PDE4B: variants seen among roughly 807,000 people sequenced by gnomAD.
The protein encoded by PDE4B is phosphodiesterase 4B, also known as 3',5'-cyclic-AMP phosphodiesterase 4B.
PDE4B carries 20 observed loss-of-function variants against 82.2 expected under a neutral mutation model. The observed-to-expected ratio is 0.24, with a 90% confidence interval of 0.17 to 0.35. The LOEUF is 0.35. PDE4B is among the 10% of genes least tolerant of loss of function. The pLI is 1.00. For missense variants in PDE4B, 655 were observed against 907.2 expected, an observed-to-expected ratio of 0.72 and a Z score of 3.57; for synonymous variants, 320 against 318.9, an observed-to-expected ratio of 1.00 and a Z score of -0.04.
intron 3 of PDE4B, among the ~76,000 whole-genome samples, chr1:66,092,571 A>G (rs888073776): frequency 9.9e-5 from 15 of 152,084 alleles, no homozygotes; most frequent in Non-Finnish European, 2.1e-4. Flanking sequence ...GGAATTATAA[A>G]TTAGCTAAAT....
At position 66,372,423 on chromosome 1, in the gene PDE4B, T is replaced by C; in HGVS notation, c.1956T>C (p.Tyr652=). The C allele has an allele frequency of 1.2e-6, 2 of 1,614,098 alleles. No individual in the cohort carries two copies. Among genetic ancestry groups the C allele is most frequent in the South Asian group, 1.1e-5 (1 of 91,080 alleles). The part of the protein sequence containing the change: ...LDTLEDNRNW[Y]QSMIPQSPSP... ...CCTTAGAAGATAACAGGAACTGGTA[T>C]CAGAGCATGATACCTCAAAGTCCCT... Residue 652 remains tyrosine, a synonymous_variant, in exon 17 of 17, where the codon TAT becomes TAC. Transcript: ENST00000341517.
At chr1:66,269,367 G>A (rs1418268721) in intron 7 of PDE4B, among the ~76,000 whole-genome samples, 2 of 152,200 alleles carry the variant, frequency 1.3e-5, no homozygotes, top group Non-Finnish European at 2.9e-5. Context: ...AGGTTGAGGA[G>A]AAAGACGCAG....
intron 3 of PDE4B, among the ~76,000 whole-genome samples, chr1:65,964,441 T>C (rs944743663): frequency 6.6e-6 from 1 of 152,194 alleles, no homozygotes; most frequent in Non-Finnish European, 1.5e-5. Context: ...ATTCATGGAT[T>C]CTGGTATTTT....
chr1:65,932,507 T>G (rs1647893848), intron 3 of PDE4B, among the ~76,000 whole-genome samples: 1 of 151,774 alleles, frequency 6.6e-6, no homozygotes, highest in African/African-American at 2.4e-5. Context: ...TCTGTGAAGA[T>G]TGGGAGAGGT....
At chr1:66,154,932 C>T (rs975212589) in intron 3 of PDE4B, among the ~76,000 whole-genome samples, 9 of 152,114 alleles carry the variant, frequency 5.9e-5, no homozygotes, top group African/African-American at 2.2e-4. Flanking sequence ...TAATCTTGCA[C>T]TTTGGGAGGC....
chr1:66,358,920 G>A (rs560233843), intron 9 of PDE4B, among the ~76,000 whole-genome samples: 7 of 152,238 alleles, frequency 4.6e-5, no homozygotes, highest in Non-Finnish European at 1.0e-4. Flanking sequence ...AGTGGTGCAG[G>A]AGGACAGGGA....
chr1:66,365,247 T>A (rs529417255), intron 12 of PDE4B, among the ~76,000 whole-genome samples: 1 of 152,338 alleles, frequency 6.6e-6, no homozygotes, highest in South Asian at 2.1e-4. Context: ...GTTTGGCCAT[T>A]TTTCTCTAAG....
At chr1:66,017,873 A>G (rs1030738627) in intron 3 of PDE4B, among the ~76,000 whole-genome samples, 1 of 152,144 alleles carries the variant, frequency 6.6e-6, no homozygotes, top group Non-Finnish European at 1.5e-5. Flanking sequence ...CTTTCCAAGA[A>G]CAATTTATAC....
intron 3 of PDE4B, among the ~76,000 whole-genome samples, chr1:66,144,337 C>T (rs1646229105): frequency 1.3e-5 from 2 of 152,150 alleles, no homozygotes; most frequent in Admixed American, 1.3e-4. Flanking sequence ...ATGATGAGAC[C>T]CTTCAGGAAG....
chr1:66,126,722 T>C (rs911311390), intron 3 of PDE4B, among the ~76,000 whole-genome samples: 5 of 152,148 alleles, frequency 3.3e-5, no homozygotes, highest in African/African-American at 1.2e-4. Context: ...AAATTATTGG[T>C]GAAAGTTTGA....
intron 1 of PDE4B, among the ~76,000 whole-genome samples, chr1:65,833,584 T>C (rs1050042512): frequency 2.0e-5 from 3 of 152,250 alleles, no homozygotes; most frequent in Non-Finnish European, 4.4e-5. Context: ...GATGTAGTGA[T>C]AGAAGGTATT....
intron 3 of PDE4B, among the ~76,000 whole-genome samples, chr1:65,951,847 A>T (rs1649016112): frequency 1.3e-5 from 2 of 152,096 alleles, no homozygotes; most frequent in South Asian, 4.1e-4. Context: ...AGCCATAAAA[A>T]TTCCAAGTAT....
At chr1:66,283,824 A>G (rs965872455) in intron 7 of PDE4B, among the ~76,000 whole-genome samples, 5 of 152,198 alleles carry the variant, frequency 3.3e-5, no homozygotes, top group Non-Finnish European at 7.4e-5. Context: ...ATGTCAGACA[A>G]GAGAGTACTG....
At chr1:65,919,714 TA>T (rs1340785934) in intron 3 of PDE4B, among the ~76,000 whole-genome samples, 1 of 151,840 alleles carries the variant, frequency 6.6e-6, no homozygotes, top group Non-Finnish European at 1.5e-5. Context: ...AGTAAATTAT[TA>T]AAAATCTATT....
intron 3 of PDE4B, among the ~76,000 whole-genome samples, chr1:66,141,260 T>C (rs1005352349): frequency 1.4e-5 from 2 of 146,608 alleles, no homozygotes; most frequent in East Asian, 2.0e-4. Flanking sequence ...AGAATATTGG[T>C]TGAGGGAAAC....
intron 3 of PDE4B, among the ~76,000 whole-genome samples, chr1:66,051,323 C>T (rs1270535198): frequency 1.3e-5 from 2 of 152,002 alleles, no homozygotes; most frequent in Admixed American, 6.6e-5. Context: ...ACAAGTCACT[C>T]GACCTCACCT....
At chr1:65,913,546 A>T (rs894041800) in intron 2 of PDE4B, among the ~76,000 whole-genome samples, 190 bp downstream of exon 2, 7 of 152,180 alleles carry the variant, frequency 4.6e-5, no homozygotes, top group Non-Finnish European at 7.3e-5. Context: ...CCCTCTTTGC[A>T]TCTTGGAAAT....
chr1:65,878,899 A>T (rs1032139256), intron 1 of PDE4B, among the ~76,000 whole-genome samples: 1 of 152,092 alleles, frequency 6.6e-6, no homozygotes, highest in African/African-American at 2.4e-5. Flanking sequence ...AAAGTAAAAT[A>T]AAAAAAATTA....
At chr1:65,866,562 G>T (rs569946511) in intron 1 of PDE4B, among the ~76,000 whole-genome samples, 1 of 152,100 alleles carries the variant, frequency 6.6e-6, no homozygotes, top group African/African-American at 2.4e-5. Context: ...TAGACAATAT[G>T]TGTGACAAAA....
Sources: allele counts gnomAD v4.1 joint callset (sites outside exome capture counted in the v4.1 genomes callset), GRCh38; gene constraint gnomAD v4.1.1; transcripts MANE v1.5; gene names NCBI Gene and HGNC (gene_info 2026-07-23, HGNC 2026-07-21).